Variants in CHD9 observed in about 807,000 individuals in gnomAD.
CHD9 encodes chromodomain helicase DNA binding protein 9.
CHD9 carries 77 observed loss-of-function variants against 316.1 expected under a neutral mutation model. The observed-to-expected ratio is 0.24, with a 90% CI of 0.20 to 0.29. The LOEUF (loss-of-function observed/expected upper bound fraction) is 0.29, where lower values mean the gene tolerates loss of function less well. Among genes scored for constraint, CHD9 ranks in the 10% least tolerant of loss-of-function variants. CHD9 has a pLI of 1.00. For missense variants in CHD9, 2,763 were observed against 3,438.1 expected (o/e 0.80, Z 4.91); for synonymous variants, 1,129 against 1,158.3 (o/e 0.97, Z 0.51).
chr16:53,131,074 G>GCCGCCGCTGCCACCGACCGC (rs1555488329), intron 1 of CHD9: 1 of 148,294 alleles, frequency 6.7e-6, no homozygotes, highest in Admixed American at 6.7e-5. Flanking sequence ...TGCCGCCGCC[G>GCCGCCGCTGCCACCGACCGC]CCGCCGCTGC....
chr16:53,227,080 A>T (rs1016743535), intron 5 of CHD9: 1 of 233,332 alleles, frequency 4.3e-6, no homozygotes, highest in African/African-American at 2.4e-5. Flanking sequence ...AACTATGCCT[A>T]AATTTCCTAA....
Position 53,248,514 on chromosome 16 carries a change from G to GT in CHD9, c.3665+1022dup, listed in dbSNP as rs752292946. Reference sequence around the variant, plus strand: ...TTTTTTGTTTGTTTTTGCTTTGTTGGTTTTTTTTTTTGTTTTTTTTTTTTT... The same window carrying GT: ...TTTTTTGTTTGTTTTTGCTTTGTTGGTTTTTTTTTTTTGTTTTTTTTTTTTT... On this transcript the variant is annotated intron_variant, in intron 16 of 38. Transcript: ENST00000447540. Among the ~76,000 whole-genome samples the GT allele has an allele frequency of 9.4e-3, 1,241 of 132,400 alleles. 6 individuals are homozygous for GT. The highest frequency in any genetic ancestry group is 0.013 in the Non-Finnish European group (795 of 62,762). 86.9% of individuals were successfully genotyped at this position (132,400 alleles called of 152,430 possible).
intron 1 of CHD9, among the ~76,000 whole-genome samples, chr16:53,096,801 A>G (rs1050594138): frequency 2.0e-5 from 3 of 152,200 alleles, no homozygotes; most frequent in Non-Finnish European, 2.9e-5. Context: ...ATCTGGTGAC[A>G]GCCTTCTTGC....
At chr16:53,217,732 A>T (rs1224512488) in intron 3 of CHD9, among the ~76,000 whole-genome samples, 19 of 152,064 alleles carry the variant, frequency 1.2e-4, no homozygotes, top group Admixed American at 2.6e-4. Context: ...CCTATTTCTA[A>T]AATCTCTCTC....
At chr16:53,237,554 T>C (rs928060713) in intron 11 of CHD9, among the ~76,000 whole-genome samples, 18 of 152,152 alleles carry the variant, frequency 1.2e-4, no homozygotes, top group African/African-American at 4.1e-4. Context: ...AGAACAACTT[T>C]TGGTCCTTCA....
Position 53,324,094 on chromosome 16 carries a change from G to C in CHD9, c.7893G>C (p.Gly2631=). The change falls in exon 39 of 39, where the codon GGG becomes GGC. Residue 2631 remains glycine, a synonymous_variant. Transcript: ENST00000447540. ...PVVREEVSRR[G]RRPKSGIAKA... ...TGAGAGAGGAAGTAAGCAGGCGGGGGAGACGGCCTAAAAGTGGAATTGCAA... is the reference window on the plus strand; with the variant it reads ...TGAGAGAGGAAGTAAGCAGGCGGGGCAGACGGCCTAAAAGTGGAATTGCAA... The C allele has an allele frequency of 6.2e-7, 1 of 1,613,970 alleles. No individual in the cohort carries two copies. Among genetic ancestry groups the C allele is most frequent in the Non-Finnish European group, 8.5e-7 (1 of 1,179,858 alleles).
rs59577921 is a variant in CHD9, at chr16:53,146,419, G to GTATGTGTATATATATATA, written c.-164-9504_-164-9503insGTGTATATATATATATAT. Among the ~76,000 whole-genome samples, 42 of 76,704 alleles carry GTATGTGTATATATATATA rather than the reference G, an allele frequency of 5.5e-4. 1 individual carries two copies. Among genetic ancestry groups the GTATGTGTATATATATATA allele is most frequent in the African/African-American group, 2.1e-3 (35 of 16,906 alleles). 50.3% of individuals were successfully genotyped at this position (76,704 alleles called of 152,430 possible). A position where few individuals can be genotyped will look rare whatever the true frequency, so the allele number is the denominator to read the frequency against. The stretch of plus-strand genomic sequence containing the variant: ...AAAAAAAAATTGTGTGTGTGTGTAT[G>GTATGTGTATATATATATA]TATATATATATATATATAATTAAAA... On this transcript the variant is annotated intron_variant, in intron 1 of 38. Transcript: ENST00000447540.
At chr16:53,102,938 C>T (rs961901240) in intron 1 of CHD9, among the ~76,000 whole-genome samples, 31 of 151,978 alleles carry the variant, frequency 2.0e-4, no homozygotes, top group South Asian at 8.3e-4. Context: ...CTCCGCCTCC[C>T]GGGTTCACGC....
chr16:53,300,370 T>C (rs1291253136), intron 30 of CHD9, among the ~76,000 whole-genome samples: 1 of 151,866 alleles, frequency 6.6e-6, no homozygotes, highest in Non-Finnish European at 1.5e-5. Context: ...AAAAAAGAAT[T>C]GCCTAAGTGT....
In CHD9 at chr16:53,156,960, G is replaced by T. The variant is rs374801460; in HGVS notation, c.871G>T (p.Ala291Ser). The change falls in exon 2 of 39, where the codon GCA becomes TCA. Residue 291 changes from alanine to serine, a missense_variant. Ala to Ser is a moderately conservative substitution (Grantham distance 99, BLOSUM62 1). Transcript: ENST00000447540. ...ISPNSLLQSS[A>S]VLASNHTNQT... ...ACCAAACAGTCTACTTCAGTCCTCT[G>T]CAGTTCTTGCATCTAATCATACAAA... 1.4e-5 allele frequency: 22 copies of T among 1,613,112 alleles called. No individual in the cohort carries two copies. In the African/African-American group the frequency reaches 1.6e-4, roughly 12 times the overall value.
At chr16:53,126,186 C>G (rs150215110) in intron 1 of CHD9, among the ~76,000 whole-genome samples, 1 of 152,146 alleles carries the variant, frequency 6.6e-6, no homozygotes, top group African/African-American at 2.4e-5. Flanking sequence ...TTACCTCTTA[C>G]ATTTAGGTGT....
In CHD9 at chr16:53,314,527, C is replaced by T; in HGVS notation, c.7362+11C>T. On this transcript the variant is annotated intron_variant, in intron 35 of 38. Transcript: ENST00000447540. ...AAACCACCTAATCATGTAAGTAAAG[C>T]AGTACTTAAAAACTGATCCTTGAAT... The T allele has an allele frequency of 6.5e-7, 1 of 1,545,318 alleles. No homozygotes were observed.
At position 53,227,404 on chromosome 16, in the gene CHD9, G is replaced by A. The variant is rs745439640; in HGVS notation, c.2052G>A (p.Pro684=). 3.5e-5 allele frequency: 55 copies of A among 1,562,868 alleles called. No homozygotes were observed. Among genetic ancestry groups the A allele is most frequent in the Non-Finnish European group, 4.3e-5 (50 of 1,152,876 alleles). Residue 684 remains proline, a synonymous_variant, in exon 6 of 39, where the codon CCG becomes CCA. Transcript: ENST00000447540. ...TTTCCTCCCTCCCATAGGAGAATCCGAGTGAAGAAGATGCTGCAATTGTAG... is the reference window on the plus strand; with the variant it reads ...TTTCCTCCCTCCCATAGGAGAATCCAAGTGAAGAAGATGCTGCAATTGTAG... The part of the protein sequence containing the change: ...EQPLQLFVEN[P]SEEDAAIVDK...
intron 2 of CHD9, among the ~76,000 whole-genome samples, chr16:53,180,917 C>A (rs915462428): frequency 3.9e-5 from 6 of 151,904 alleles, no homozygotes; most frequent in Admixed American, 3.9e-4. Flanking sequence ...CCTCGTGATC[C>A]GCCTGCCTCA....
intron 2 of CHD9, among the ~76,000 whole-genome samples, chr16:53,188,566 T>A (rs1457209654): frequency 1.3e-5 from 2 of 150,206 alleles, no homozygotes; most frequent in African/African-American, 4.9e-5. Context: ...TTGCTAATGA[T>A]ACTGAGCATT....
chr16:53,095,340 G>A (rs1440847672), intron 1 of CHD9, among the ~76,000 whole-genome samples: 1 of 152,138 alleles, frequency 6.6e-6, no homozygotes, highest in African/African-American at 2.4e-5. Context: ...GAAGCCAGGA[G>A]TTCAAGACCA....
At chr16:53,083,004 T>C (rs767594078) in intron 1 of CHD9, among the ~76,000 whole-genome samples, 2 of 152,198 alleles carry the variant, frequency 1.3e-5, no homozygotes, top group African/African-American at 4.8e-5. Flanking sequence ...GTGTCTTCCT[T>C]GTTCATTGAT....
At chr16:53,055,743 T>C (rs935492725) in intron 1 of CHD9, among the ~76,000 whole-genome samples, 1 of 152,130 alleles carries the variant, frequency 6.6e-6, no homozygotes, top group Non-Finnish European at 1.5e-5. Context: ...CCTCTGCCTT[T>C]GTACTGTCAA....
At chr16:53,092,678 T>A (rs1047380172) in intron 1 of CHD9, among the ~76,000 whole-genome samples, 3 of 152,102 alleles carry the variant, frequency 2.0e-5, no homozygotes, top group African/African-American at 7.2e-5. Flanking sequence ...AGAACCCCAC[T>A]CTCCACACTT....
Sources: allele counts gnomAD v4.1 joint callset (sites outside exome capture counted in the v4.1 genomes callset), GRCh38; gene constraint gnomAD v4.1.1; transcripts MANE v1.5; gene names NCBI Gene and HGNC (gene_info 2026-07-23, HGNC 2026-07-21).